ZP3: variants seen among roughly 807,000 people sequenced by gnomAD.
ZP3 encodes zona pellucida glycoprotein 3.
ZP3 carries 21 observed loss-of-function variants against 35.6 expected under a neutral mutation model. The observed-to-expected ratio is 0.59, with a 90% CI of 0.42 to 0.85. ZP3 has a LOEUF of 0.85. ZP3 is among the 40% of genes least tolerant of loss of function. ZP3 has a pLI of 0.00. For missense variants in ZP3, 437 were observed against 536.5 expected (o/e 0.81, Z 1.83); for synonymous variants, 207 against 214.5 (o/e 0.96, Z 0.31).
intron 1 of ZP3, among the ~76,000 whole-genome samples, chr7:76,412,279 G>A (rs1342906318): frequency 1.3e-5 from 2 of 151,896 alleles, no homozygotes; most frequent in Non-Finnish European, 2.9e-5. Flanking sequence ...ATTATAATGA[G>A]TAAAAAAAGC....
At chr7:76,406,949 T>A (rs2115817212) in intron 1 of ZP3, among the ~76,000 whole-genome samples, 1 of 151,374 alleles carries the variant, frequency 6.6e-6, no homozygotes, top group South Asian at 2.1e-4. Context: ...TTCTTCTGAT[T>A]TAAATTATTT....
intron 1 of ZP3, among the ~76,000 whole-genome samples, chr7:76,416,833 T>G (rs1805381858): frequency 6.6e-6 from 1 of 150,682 alleles, no homozygotes. Flanking sequence ...TATATACATA[T>G]ACATACATAT....
intron 1 of ZP3, among the ~76,000 whole-genome samples, chr7:76,400,788 G>A (rs74302353): frequency 0.18 from 27,743 of 152,202 alleles, 2,771 homozygotes; most frequent in South Asian, 0.25. Context: ...GATCACAGAC[G>A]TGCACTACGG....
intron 1 of ZP3, chr7:76,397,800 TCGCGCC>T (rs754676788): frequency 6.2e-7 from 1 of 1,600,628 alleles, no homozygotes; most frequent in Non-Finnish European, 8.5e-7. Flanking sequence ...TGACACAGGT[TCGCGCC>T]CCCTACCAGG....
chr7:76,424,976 C>T lies in ZP3; in HGVS notation c.12C>T (p.Ser4=), dbSNP rs979021623. The change falls in exon 1 of 8, where the codon AGC becomes AGT. Residue 4 remains serine (S), a synonymous_variant. Coordinates refer to ENST00000394857, the MANE Select transcript of ZP3 (RefSeq NM_001110354.2). ...GCTCTGCAGGTACCATGGAGCTGAG[C>T]TATAGGCTCTTCATCTGCCTCCTGC... MEL[S]YRLFICLLLW... is the part of the protein sequence containing the mutation. 11 of 1,541,656 alleles carry T rather than the reference C, an allele frequency of 7.1e-6. No homozygotes were observed. The highest frequency in any genetic ancestry group is 1.7e-6 in the Non-Finnish European group (2 of 1,145,486).
intron 1 of ZP3, among the ~76,000 whole-genome samples, chr7:76,418,220 T>A (rs1197503156): frequency 6.6e-6 from 1 of 152,068 alleles, no homozygotes; most frequent in African/African-American, 2.4e-5. Context: ...TGAGCCACTT[T>A]GCCTGGCGAA....
chr7:76,401,036 G>A (rs1463806375), intron 1 of ZP3: 2 of 1,548,594 alleles, frequency 1.3e-6, no homozygotes, highest in Non-Finnish European at 1.7e-6. Flanking sequence ...TGGGCTGTAG[G>A]GCGCTGGCTG....
At chr7:76,418,635 T>C (rs1805434960) in intron 1 of ZP3, among the ~76,000 whole-genome samples, 1 of 128,674 alleles carries the variant, frequency 7.8e-6, no homozygotes, top group Non-Finnish European at 1.6e-5. Context: ...GGCGGGCAGA[T>C]CACGAGGTCA....
intron 1 of ZP3, among the ~76,000 whole-genome samples, chr7:76,406,368 A>G (rs1805032296): frequency 6.6e-6 from 1 of 152,190 alleles, no homozygotes; most frequent in African/African-American, 2.4e-5. Context: ...TATTTTCAAT[A>G]ATTCTTTTTA....
At position 76,415,837 on chromosome 7, in the gene ZP3, A is replaced by G. The variant is rs1193562620; in HGVS notation, c.-66-9215A>G. Among the ~76,000 whole-genome samples the G allele has an allele frequency of 2.0e-5, 3 of 151,870 alleles. No individual in the cohort carries two copies. In the East Asian group the frequency reaches 5.9e-4, roughly 30 times the overall value. On this transcript the variant is annotated intron_variant, in intron 1 of 8. Coordinates refer to the ZP3 transcript ENST00000336517. ...GTGATTTTAAACACTCTATAATAAAAAGCAGGCTAGGGCTAGCCGCAGTGG... is the reference window on the plus strand; with the variant it reads ...GTGATTTTAAACACTCTATAATAAAGAGCAGGCTAGGGCTAGCCGCAGTGG...
chr7:76,400,658 A>T lies in ZP3; in HGVS notation c.-67+2861A>T. 4 of 1,375,162 alleles carry T rather than the reference A, an allele frequency of 2.9e-6. No individual in the cohort carries two copies. In the South Asian group the frequency reaches 4.8e-5, roughly 16 times the overall value. 85.2% of individuals were successfully genotyped at this position (1,375,162 alleles called of 1,614,324 possible). A position where few individuals can be genotyped will look rare whatever the true frequency, so the allele number is the denominator to read the frequency against. On this transcript the variant is annotated intron_variant, in intron 1 of 8. Coordinates refer to the ZP3 transcript ENST00000336517. Reference sequence around the variant, plus strand: ...CAACCTCCAGCATGCCCACTCCAGGATGTCCTTTTATTTTATTATTATTTT... The same window carrying T: ...CAACCTCCAGCATGCCCACTCCAGGTTGTCCTTTTATTTTATTATTATTTT...
chr7:76,433,765 C>G, intron 4 of ZP3, 118 bp downstream of exon 4: 2 of 1,184,298 alleles, frequency 1.7e-6, no homozygotes, highest in Non-Finnish European at 2.4e-6. Context: ...GAGGCTTGAT[C>G]TCTGCCCTCT....
intron 1 of ZP3, among the ~76,000 whole-genome samples, chr7:76,427,447 C>G (rs1003167307): frequency 1.4e-5 from 2 of 144,024 alleles, no homozygotes; most frequent in Non-Finnish European, 3.0e-5. Context: ...ACCCGGGAGG[C>G]GTAGGTTGCA....
At position 76,425,070 on chromosome 7, in the gene ZP3, G is replaced by A; in HGVS notation, c.106G>A (p.Glu36Lys). The A allele has an allele frequency of 1.2e-6, 2 of 1,613,086 alleles. No homozygotes were observed. Among genetic ancestry groups the A allele is most frequent in the Non-Finnish European group, 1.7e-6 (2 of 1,179,770 alleles). Residue 36 changes from glutamate (E) to lysine (K), a missense_variant, in exon 1 of 8, where the codon GAG (glutamate) becomes AAG (lysine). Physicochemically the swap from Glu to Lys is moderately conservative, Grantham distance 56 (BLOSUM62 1). Coordinates refer to ENST00000394857, the MANE Select transcript of ZP3 (RefSeq NM_001110354.2). ...WLLQGGASHP[E>K]TSVQPVLVEC... ...CTTGCAGGGTGGAGCCAGCCATCCTGAGACGTCCGTACAGCCCGTACTGGT... is the reference window on the plus strand; with the variant it reads ...CTTGCAGGGTGGAGCCAGCCATCCTAAGACGTCCGTACAGCCCGTACTGGT...
At chr7:76,434,347 G>T (rs376847534) in intron 5 of ZP3, among the ~76,000 whole-genome samples, 192 bp downstream of exon 5, 5,834 of 148,550 alleles carry the variant, frequency 0.039, no homozygotes, top group African/African-American at 0.096. Context: ...GCCTTAAGAG[G>T]TAGAGGCCGG....
intron 1 of ZP3, among the ~76,000 whole-genome samples, chr7:76,410,633 G>A (rs1434743728): frequency 6.6e-6 from 1 of 152,084 alleles, no homozygotes; most frequent in Non-Finnish European, 1.5e-5. Flanking sequence ...TGGCATGAGT[G>A]TGGGCCCGGC....
At chr7:76,408,090 C>T (rs533673659) in intron 1 of ZP3, among the ~76,000 whole-genome samples, 12 of 152,164 alleles carry the variant, frequency 7.9e-5, no homozygotes, top group South Asian at 4.1e-4. Flanking sequence ...TTGTAGGAGG[C>T]GGCGGTAGAG....
chr7:76,440,392 C>T (rs770689165), intron 6 of ZP3, 51 bp downstream of exon 6: 7 of 1,611,832 alleles, frequency 4.3e-6, no homozygotes, highest in Non-Finnish European at 5.9e-6. Context: ...ATCGGCGACC[C>T]CTTGTCTATT....
chr7:76,400,911 G>C, intron 1 of ZP3: 9 of 1,486,228 alleles, frequency 6.1e-6, no homozygotes, highest in Non-Finnish European at 7.3e-6. Flanking sequence ...TAGAGTCAAG[G>C]GGGGCTGGTT....
Sources: allele counts gnomAD v4.1 joint callset (sites outside exome capture counted in the v4.1 genomes callset), GRCh38; gene constraint gnomAD v4.1.1; transcripts MANE v1.5; gene names NCBI Gene and HGNC (gene_info 2026-07-23, HGNC 2026-07-21).